The following DLGAP2 variants were observed in gnomAD, a reference collection of about 807,000 sequenced individuals.
DLGAP2 encodes the protein DLG associated protein 2.
In DLGAP2, 26 loss-of-function variants were observed where a neutral mutation model predicts 100.3. The ratio of observed to expected loss-of-function variants is 0.26; its 90% CI spans 0.19 to 0.36. The LOEUF (loss-of-function observed/expected upper bound fraction) is 0.36. Ranked by LOEUF, DLGAP2 falls within the 10% of genes least tolerant of loss-of-function variation. The pLI is 1.00. For synonymous variants in DLGAP2, 886 were observed against 630.1 expected (o/e 1.41, Z -6.08); for missense variants, 1,858 against 1,453.2 (o/e 1.28, Z -4.53).
chr8:1,255,771 T>C (rs545866473), intron 2 of DLGAP2, among the ~76,000 whole-genome samples: 27 of 139,780 alleles, frequency 1.9e-4, no homozygotes, highest in African/African-American at 5.1e-4. Context: ...GCCTGGGTGC[T>C]GTGTGTGTGT....
intron 2 of DLGAP2, among the ~76,000 whole-genome samples, chr8:1,235,548 T>C (rs1436968234): frequency 3.7e-4 from 5 of 13,676 alleles, no homozygotes; most frequent in Middle Eastern, 0.1. Context: ...TTCTCTCACA[T>C]GGCGCCATGT....
intron 8 of DLGAP2, among the ~76,000 whole-genome samples, chr8:1,637,298 C>T (rs1797789366): frequency 6.6e-6 from 1 of 152,120 alleles, no homozygotes; most frequent in African/African-American, 2.4e-5. Context: ...GAAAAATGAG[C>T]AGCTGGAGGT....
At chr8:1,242,041 G>C (rs1478603220) in intron 2 of DLGAP2, among the ~76,000 whole-genome samples, 1 of 152,182 alleles carries the variant, frequency 6.6e-6, no homozygotes, top group African/African-American at 2.4e-5. Context: ...TTGATGATTG[G>C]CGTATATTCC....
At chr8:1,173,294 G>C (rs969167947) in intron 2 of DLGAP2, among the ~76,000 whole-genome samples, 6 of 152,176 alleles carry the variant, frequency 3.9e-5, no homozygotes, top group Non-Finnish European at 5.9e-5. Context: ...TGCCCCTACT[G>C]GGGGGTGCCT....
chr8:1,385,801 G>A (rs959367479), intron 3 of DLGAP2, among the ~76,000 whole-genome samples: 47 of 149,704 alleles, frequency 3.1e-4, no homozygotes, highest in South Asian at 8.5e-4. Flanking sequence ...GCCTGTGCCC[G>A]GCCCCTGAGA....
chr8:1,492,549 G>C (rs1043918717), intron 3 of DLGAP2, among the ~76,000 whole-genome samples: 6 of 152,328 alleles, frequency 3.9e-5, no homozygotes, highest in Non-Finnish European at 7.3e-5. Flanking sequence ...GATGGGGACC[G>C]CGCTTCGCTC....
At chr8:1,164,668 T>C (rs10096144) in intron 2 of DLGAP2, among the ~76,000 whole-genome samples, 71,361 of 152,068 alleles carry the variant, frequency 0.47, 19,044 homozygotes, top group Admixed American at 0.61. Flanking sequence ...TTGCCTGAAA[T>C]TGAGCTGCAT....
At chr8:1,510,182 G>T (rs568594197) in intron 4 of DLGAP2, among the ~76,000 whole-genome samples, 3 of 152,356 alleles carry the variant, frequency 2.0e-5, no homozygotes, top group African/African-American at 7.2e-5. Context: ...GTCCCTGGGA[G>T]GTATTTGTGA....
intron 3 of DLGAP2, among the ~76,000 whole-genome samples, chr8:1,472,067 A>G (rs1191134413): frequency 2.0e-5 from 3 of 152,256 alleles, no homozygotes; most frequent in African/African-American, 7.2e-5. Context: ...CATAGCAGCC[A>G]CGATTGAGCG....
At chr8:1,432,929 C>T (rs1281049707) in intron 3 of DLGAP2, among the ~76,000 whole-genome samples, 4 of 152,134 alleles carry the variant, frequency 2.6e-5, no homozygotes, top group Admixed American at 6.5e-5. Flanking sequence ...AGCATCGAGG[C>T]GCGGAGTTGC....
At position 1,103,733 on chromosome 8, in the gene DLGAP2, G is replaced by A. The variant is rs28696688; in HGVS notation, c.74-155118G>A. ...GCCTTGGTTGACGGTGATGACTGGC[G>A]GGGCCTTGGTTGACGGTGATGACTG... On this transcript the variant is annotated intron_variant, in intron 2 of 14. Coordinates refer to ENST00000637795, the MANE Select transcript of DLGAP2 (RefSeq NM_001346810.2). 3.1e-3 allele frequency among the ~76,000 whole-genome samples: 269 copies of A among 86,950 alleles called. 6 individuals are homozygous for A. The highest frequency in any genetic ancestry group is 0.011 in the African/African-American group (236 of 20,530). 57.0% of individuals were successfully genotyped at this position (86,950 alleles called of 152,430 possible). A position where few individuals can be genotyped will look rare whatever the true frequency, so the allele number is the denominator to read the frequency against.
Position 1,218,873 on chromosome 8 carries a change from T to C in DLGAP2, c.74-39978T>C, listed in dbSNP as rs146926347. 5.9e-3 allele frequency among the ~76,000 whole-genome samples: 891 copies of C among 152,272 alleles called. 5 individuals are homozygous for C. The highest frequency in any genetic ancestry group is 0.01 in the Middle Eastern group (3 of 294). On this transcript the variant is annotated intron_variant, in intron 2 of 14. Transcript: ENST00000637795. ...GTTAGCTGTATTCCTAGGAATTTTA[T>C]TCATTTTGTGACTATTGTGAATGGG...
intron 2 of DLGAP2, among the ~76,000 whole-genome samples, chr8:1,249,969 C>T (rs1799000969): frequency 6.6e-6 from 1 of 152,140 alleles, no homozygotes; most frequent in Non-Finnish European, 1.5e-5. Context: ...CAACCTCTGC[C>T]TCCCAGGTTC....
At position 1,440,345 on chromosome 8, in the gene DLGAP2, A is replaced by G. The variant is rs538606862; in HGVS notation, c.107-61021A>G. On this transcript the variant is annotated intron_variant, in intron 3 of 14. Coordinates refer to ENST00000637795, the MANE Select transcript of DLGAP2 (RefSeq NM_001346810.2). ...GACTCACGTGGGAAATGGAGTCAAT[A>G]TTTTATACATTGAATTTTGCGTTAC... 5.1e-4 allele frequency among the ~76,000 whole-genome samples: 77 copies of G among 152,340 alleles called. 1 individual carries two copies. The highest frequency in any genetic ancestry group is 2.0e-4 in the Admixed American group (3 of 15,306).
chr8:1,353,144 C>T (rs960528431), intron 3 of DLGAP2, among the ~76,000 whole-genome samples: 1 of 152,176 alleles, frequency 6.6e-6, no homozygotes, highest in African/African-American at 2.4e-5. Flanking sequence ...TGTCCATTTG[C>T]TTCCCACACC....
At chr8:814,850 CA>C (rs34412684) in intron 1 of DLGAP2, among the ~76,000 whole-genome samples, 13,221 of 61,478 alleles carry the variant, frequency 0.22, 191 homozygotes, top group East Asian at 0.26. Context: ...GACTCCGTCT[CA>C]AAAAAAAAAA....
chr8:1,491,195 GA>G (rs1369312530), intron 3 of DLGAP2, among the ~76,000 whole-genome samples: 1 of 151,164 alleles, frequency 6.6e-6, no homozygotes, highest in East Asian at 1.9e-4. Flanking sequence ...GATGTTGCAT[GA>G]AATATGTGAC....
At chr8:1,580,727 C>G (rs914133743) in intron 6 of DLGAP2, among the ~76,000 whole-genome samples, 27 of 151,834 alleles carry the variant, frequency 1.8e-4, no homozygotes, top group African/African-American at 6.3e-4. Flanking sequence ...CAGACAAACC[C>G]CCACACATCT....
intron 2 of DLGAP2, among the ~76,000 whole-genome samples, chr8:1,145,972 C>T (rs984349068): frequency 1.3e-5 from 2 of 151,922 alleles, no homozygotes; most frequent in African/African-American, 4.8e-5. Context: ...CATAGTATTC[C>T]ATGGTGTATA....
Sources: allele counts gnomAD v4.1 joint callset (sites outside exome capture counted in the v4.1 genomes callset), GRCh38; gene constraint gnomAD v4.1.1; transcripts MANE v1.5; gene names NCBI Gene and HGNC (gene_info 2026-07-23, HGNC 2026-07-21).